Variants in HGD observed in about 807,000 individuals in gnomAD.
HGD encodes homogentisate oxidase.
In HGD, 61 loss-of-function variants were observed where a neutral mutation model predicts 60.8. That is an observed-to-expected ratio of 1.00 (90% confidence interval 0.82 to 1.24). The LOEUF (loss-of-function observed/expected upper bound fraction) is 1.24. Among genes scored for constraint, HGD ranks in the 50% most tolerant of loss-of-function variants. The probability of loss-of-function intolerance (pLI) is 0.00; values close to 1 mark genes in which losing one functional copy is unlikely to be tolerated. For synonymous variants in HGD, 212 were observed against 187.7 expected, an observed-to-expected ratio of 1.13 and a Z score of -1.06; for missense variants, 542 against 547.1, an observed-to-expected ratio of 0.99 and a Z score of 0.09.
chr3:120,654,714 A>G (rs1372896049), intron 4 of HGD, among the ~76,000 whole-genome samples: 3 of 152,262 alleles, frequency 2.0e-5, no homozygotes, highest in African/African-American at 4.8e-5. Flanking sequence ...TCCCAGTAGC[A>G]GGGGATTTTC....
intron 4 of HGD, among the ~76,000 whole-genome samples, chr3:120,658,170 T>C (rs559228730): frequency 1.1e-4 from 17 of 152,224 alleles, no homozygotes; most frequent in Non-Finnish European, 2.2e-4. Flanking sequence ...TAACTCATTC[T>C]AGTATTAACT....
At chr3:120,644,250 G>T in intron 10 of HGD, 69 bp downstream of exon 10, 1 of 1,585,188 alleles carries the variant, frequency 6.3e-7, no homozygotes, top group Non-Finnish European at 8.6e-7. Context: ...TGTAACACTC[G>T]CCTTGGCAAT....
intron 12 of HGD, among the ~76,000 whole-genome samples, chr3:120,634,166 A>G (rs1303962530): frequency 6.6e-6 from 1 of 152,166 alleles, no homozygotes; most frequent in African/African-American, 2.4e-5. Context: ...TCTCCACTCT[A>G]CAAAGCATAT....
intron 12 of HGD, among the ~76,000 whole-genome samples, chr3:120,636,001 TG>T (rs1352910702): frequency 1.3e-5 from 2 of 151,550 alleles, no homozygotes; most frequent in Non-Finnish European, 2.9e-5. Flanking sequence ...CCAGCCATGG[TG>T]GCTCATGCCT....
At chr3:120,672,734 T>C (rs1202734883) in intron 3 of HGD, among the ~76,000 whole-genome samples, 1 of 152,192 alleles carries the variant, frequency 6.6e-6, no homozygotes, top group African/African-American at 2.4e-5. Flanking sequence ...TTCATCCTTG[T>C]CACCTAAGAT....
At chr3:120,663,051 C>T (rs540608746) in intron 4 of HGD, among the ~76,000 whole-genome samples, 2 of 152,040 alleles carry the variant, frequency 1.3e-5, no homozygotes, top group African/African-American at 2.4e-5. Context: ...GCAACCCTGC[C>T]GATACCTCAA....
intron 4 of HGD, among the ~76,000 whole-genome samples, chr3:120,656,382 T>G (rs755334166): frequency 7.9e-5 from 12 of 152,214 alleles, no homozygotes; most frequent in Non-Finnish European, 1.5e-4. Context: ...AATAGCTTCT[T>G]CTCTATAGAA....
Position 120,628,451 on chromosome 3 carries a change from A to G in HGD, c.1267T>C (p.Tyr423His). The G allele has an allele frequency of 6.2e-7, 1 of 1,614,058 alleles. No homozygotes were observed. Among genetic ancestry groups the G allele is most frequent in the Non-Finnish European group, 8.5e-7 (1 of 1,179,942 alleles). Residue 423 changes from tyrosine (Y) to histidine (H), a missense_variant, in exon 14 of 14, where the codon TAC becomes CAC. This residue lies in a region of HGD where 537 missense variants were observed against 529.1 expected (regional missense o/e 1.01). Coordinates refer to ENST00000283871, the MANE Select transcript of HGD (RefSeq NM_000187.4). The part of the protein sequence containing the change: ...LKASRCLDEN[Y>H]HKCWEPLKSH... ...TTGAGTGGCTCCCAGCACTTGTGGTAGTTCTCATCCAAACACCTGGAGGCC... is the reference window on the plus strand; with the variant it reads ...TTGAGTGGCTCCCAGCACTTGTGGTGGTTCTCATCCAAACACCTGGAGGCC...
chr3:120,647,470 T>C (rs551391030), intron 7 of HGD, among the ~76,000 whole-genome samples: 7 of 152,370 alleles, frequency 4.6e-5, no homozygotes, highest in South Asian at 4.1e-4. Context: ...CAATCTCTGA[T>C]AGACTTTACA....
At chr3:120,648,048 G>A (rs761895223) in intron 6 of HGD, 137 bp from the exon 7 acceptor site, 15 of 746,750 alleles carry the variant, frequency 2.0e-5, no homozygotes, top group Non-Finnish European at 3.2e-5. Flanking sequence ...AAATGACCCA[G>A]GCTCTGCCCT....
chr3:120,672,782 C>A (rs142035113), intron 3 of HGD, among the ~76,000 whole-genome samples: 21 of 152,280 alleles, frequency 1.4e-4, no homozygotes, highest in Non-Finnish European at 2.4e-4. Context: ...ACCAAAAATG[C>A]CTGGCATACA....
intron 13 of HGD, among the ~76,000 whole-genome samples, chr3:120,632,441 A>G (rs1940620008): frequency 6.6e-6 from 1 of 152,264 alleles, no homozygotes; most frequent in African/African-American, 2.4e-5. Flanking sequence ...AATTGTGTTC[A>G]GCCTCAATGT....
intron 4 of HGD, among the ~76,000 whole-genome samples, chr3:120,669,447 GCACACACACA>G (rs59426684): frequency 8.9e-4 from 130 of 145,728 alleles, no homozygotes; most frequent in East Asian, 6.4e-3. Flanking sequence ...GTGCGCATGT[GCACACACACA>G]CACACACACA....
chr3:120,633,225 G>T lies in HGD; in HGVS notation c.1110C>A (p.Pro370=), dbSNP rs760307527. 2 of 1,614,088 alleles carry T rather than the reference G, an allele frequency of 1.2e-6. No individual in the cohort carries two copies. The highest frequency in any genetic ancestry group is 3.3e-5 in the Admixed American group (2 of 60,012). Residue 370 remains proline (P), a synonymous_variant, in exon 13 of 14, where the codon CCC becomes CCA. Coordinates refer to ENST00000283871, the MANE Select transcript of HGD (RefSeq NM_000187.4). ...CAAAGCAGTCAGCATCAGGTCCATG[G>T]GGGGTCATTGTGCTGTGTAGACTCC... The part of the protein sequence containing the change: ...GGGSLHSTMT[P]HGPDADCFEK...
intron 13 of HGD, among the ~76,000 whole-genome samples, chr3:120,630,146 C>T (rs888750963): frequency 2.4e-4 from 36 of 152,274 alleles, no homozygotes; most frequent in South Asian, 6.2e-4. Flanking sequence ...AATGGAAAAA[C>T]TTTCCATGCT....
intron 4 of HGD, among the ~76,000 whole-genome samples, chr3:120,668,496 T>C (rs1707950405): frequency 6.6e-6 from 1 of 151,756 alleles, no homozygotes; most frequent in Non-Finnish European, 1.5e-5. Flanking sequence ...GGAGATTTCC[T>C]TGGGTTGTGG....
intron 9 of HGD, among the ~76,000 whole-genome samples, chr3:120,645,552 T>C (rs1941131493): frequency 6.6e-6 from 1 of 152,200 alleles, no homozygotes; most frequent in Non-Finnish European, 1.5e-5. Context: ...TGTGGAGACC[T>C]TGGTTCACTT....
chr3:120,663,510 T>G (rs557137605), intron 4 of HGD, among the ~76,000 whole-genome samples: 1 of 152,244 alleles, frequency 6.6e-6, no homozygotes, highest in Admixed American at 6.5e-5. Context: ...GTCCCTCCCG[T>G]AACACGTGGG....
chr3:120,640,577 A>G (rs1476781108), intron 11 of HGD, among the ~76,000 whole-genome samples: 3 of 152,264 alleles, frequency 2.0e-5, no homozygotes, highest in Admixed American at 1.3e-4. Flanking sequence ...AGAAGATCGC[A>G]TCTGTGTAAA....
Sources: gnomAD v4.1 joint callset for allele counts (sites outside exome capture counted in the v4.1 genomes callset) on GRCh38, gnomAD v4.1.1 for gene constraint, gnomAD v4.1.1 regional missense constraint, MANE v1.5 for transcripts, NCBI Gene and HGNC (gene_info 2026-07-23, HGNC 2026-07-21) for gene names.